FOXN3: variants seen among roughly 807,000 people sequenced by gnomAD.
FOXN3 encodes forkhead box N3.
A neutral mutation model predicts 38.4 loss-of-function variants in FOXN3; 7 were observed. The ratio of observed to expected loss-of-function variants is 0.18; its 90% CI spans 0.10 to 0.34. The LOEUF is 0.34. Ranked by LOEUF, FOXN3 falls within the 10% of genes least tolerant of loss-of-function variation. The probability of loss-of-function intolerance (pLI) is 1.00; values close to 1 mark genes in which losing one functional copy is unlikely to be tolerated. For synonymous variants in FOXN3, 230 were observed against 242.2 expected, an observed-to-expected ratio of 0.95 and a Z score of 0.47; for missense variants, 456 against 613.4, an observed-to-expected ratio of 0.74 and a Z score of 2.71.
At chr14:89,296,239 ACAGATG>A (rs2139940413) in intron 3 of FOXN3, among the ~76,000 whole-genome samples, 1 of 152,348 alleles carries the variant, frequency 6.6e-6, no homozygotes, top group South Asian at 2.1e-4. Context: ...CATCTCATGA[ACAGATG>A]CAAAGGTGTT....
At chr14:89,300,089 A>G (rs1181489226) in intron 3 of FOXN3, among the ~76,000 whole-genome samples, 1 of 152,162 alleles carries the variant, frequency 6.6e-6, no homozygotes, top group Non-Finnish European at 1.5e-5. Flanking sequence ...ATGAACTGAT[A>G]CAACATTCAG....
chr14:89,260,927 T>C (rs1166740899), intron 4 of FOXN3, among the ~76,000 whole-genome samples: 1 of 152,262 alleles, frequency 6.6e-6, no homozygotes, highest in Non-Finnish European at 1.5e-5. Flanking sequence ...CATTAAAAAC[T>C]ATCCACACAA....
At chr14:89,447,557 G>T (rs1892528779) in intron 1 of FOXN3, among the ~76,000 whole-genome samples, 1 of 151,966 alleles carries the variant, frequency 6.6e-6, no homozygotes, top group Admixed American at 6.6e-5. Context: ...GAAAAACACT[G>T]TGTGGCACCT....
intron 1 of FOXN3, among the ~76,000 whole-genome samples, chr14:89,555,581 A>G (rs1895100267): frequency 6.6e-6 from 1 of 152,152 alleles, no homozygotes; most frequent in Admixed American, 6.5e-5. Context: ...ATTTTCTAGT[A>G]CTTCCTGTTC....
chr14:89,444,716 T>C (rs1892458185), intron 1 of FOXN3, among the ~76,000 whole-genome samples: 2 of 152,218 alleles, frequency 1.3e-5, no homozygotes, highest in Admixed American at 1.3e-4. Context: ...GTTCTGTCAC[T>C]TGATGGATTA....
chr14:89,528,340 G>A (rs960389038), intron 1 of FOXN3, among the ~76,000 whole-genome samples: 1 of 135,494 alleles, frequency 7.4e-6, no homozygotes, highest in African/African-American at 2.7e-5. Context: ...CAATAAAGAG[G>A]ATAGAAGTGT....
At chr14:89,585,774 A>AAAGG (rs1895829382) in intron 1 of FOXN3, among the ~76,000 whole-genome samples, 1 of 148,480 alleles carries the variant, frequency 6.7e-6, no homozygotes, top group Non-Finnish European at 1.5e-5. Flanking sequence ...AAAAAAAAAG[A>AAAGG]AAGGAAGGAA....
intron 4 of FOXN3, among the ~76,000 whole-genome samples, chr14:89,262,284 C>T (rs979763240): frequency 1.3e-5 from 2 of 152,318 alleles, no homozygotes; most frequent in African/African-American, 4.8e-5. Context: ...ATGGGGCCAG[C>T]TAGGTATCTA....
chr14:89,544,727 T>C (rs2139853474), intron 1 of FOXN3, among the ~76,000 whole-genome samples: 1 of 152,272 alleles, frequency 6.6e-6, no homozygotes, highest in Non-Finnish European at 1.5e-5. Flanking sequence ...TACACACCTA[T>C]GTTTTCTCCA....
chr14:89,467,762 G>GCCCACCAAT (rs1192309128), intron 1 of FOXN3, among the ~76,000 whole-genome samples: 2 of 144,712 alleles, frequency 1.4e-5, no homozygotes, highest in East Asian at 4.1e-4. Context: ...AGCCCACCAA[G>GCCCACCAAT]CTCCCAGCTA....
intron 2 of FOXN3, among the ~76,000 whole-genome samples, chr14:89,407,634 C>A (rs1891429386): frequency 1.3e-5 from 2 of 151,996 alleles, no homozygotes; most frequent in African/African-American, 4.8e-5. Flanking sequence ...GAATTTGGGA[C>A]CAGCCAGGGC....
At chr14:89,223,657 A>T (rs1200480895) in intron 4 of FOXN3, among the ~76,000 whole-genome samples, 1 of 152,212 alleles carries the variant, frequency 6.6e-6, no homozygotes, top group African/African-American at 2.4e-5. Context: ...CCCACTGGGC[A>T]GTCGAGGGTG....
intron 2 of FOXN3, among the ~76,000 whole-genome samples, chr14:89,388,389 C>T (rs10162406): frequency 1.3e-5 from 2 of 152,044 alleles, no homozygotes; most frequent in South Asian, 2.1e-4. Context: ...AGAGTGGGGC[C>T]GCTGCAAGCA....
intron 1 of FOXN3, among the ~76,000 whole-genome samples, chr14:89,579,481 C>A (rs1333885181): frequency 6.6e-6 from 1 of 152,142 alleles, no homozygotes; most frequent in Non-Finnish European, 1.5e-5. Flanking sequence ...GAATATAAAT[C>A]CAATTCAGTG....
chr14:89,164,957 T>C lies in FOXN3; in HGVS notation c.852-1988A>G, dbSNP rs1887201773. On this transcript the variant is annotated intron_variant, in intron 5 of 5. Coordinates refer to ENST00000557258, the MANE Select transcript of FOXN3 (RefSeq NM_005197.4). The surrounding 1 kb of genome is among the most constrained non-coding windows in gnomAD (Gnocchi z 4.3). Reference sequence around the variant, plus strand: ...TGCTCTCCTGGGGCCCCAGGGCCGGTGGTATTTTGCTAAATTTAGGCTGGG... The same window carrying C: ...TGCTCTCCTGGGGCCCCAGGGCCGGCGGTATTTTGCTAAATTTAGGCTGGG... Among the ~76,000 whole-genome samples, 1 of 151,968 alleles carries C rather than the reference T, an allele frequency of 6.6e-6. No individual in the cohort carries two copies. Among genetic ancestry groups the C allele is most frequent in the African/African-American group, 2.4e-5 (1 of 41,378 alleles).
chr14:89,342,583 T>C (rs1168921458), intron 3 of FOXN3, among the ~76,000 whole-genome samples: 2 of 151,976 alleles, frequency 1.3e-5, no homozygotes, highest in Non-Finnish European at 2.9e-5. Flanking sequence ...GCCCTTACAA[T>C]TTAAGCCTTT....
At chr14:89,209,633 T>C (rs545673958) in intron 4 of FOXN3, among the ~76,000 whole-genome samples, 1 of 152,352 alleles carries the variant, frequency 6.6e-6, no homozygotes, top group South Asian at 2.1e-4. Flanking sequence ...TTCTCTATAT[T>C]TGTAAACACT....
At chr14:89,269,013 C>T (rs1192528829) in intron 4 of FOXN3, among the ~76,000 whole-genome samples, 2 of 152,226 alleles carry the variant, frequency 1.3e-5, no homozygotes, top group Non-Finnish European at 2.9e-5. Context: ...AGCACACAAT[C>T]GACCTTTATA....
At chr14:89,563,257 T>G (rs1159657522) in intron 1 of FOXN3, among the ~76,000 whole-genome samples, 1 of 152,228 alleles carries the variant, frequency 6.6e-6, no homozygotes, top group Non-Finnish European at 1.5e-5. Flanking sequence ...ATTTTACAGG[T>G]GAGTATATAA....
Sources: allele counts gnomAD v4.1 joint callset (sites outside exome capture counted in the v4.1 genomes callset), GRCh38; gene constraint gnomAD v4.1.1; non-coding constraint Gnocchi (gnomAD v3.1); transcripts MANE v1.5; gene names NCBI Gene and HGNC (gene_info 2026-07-23, HGNC 2026-07-21).